The following SOX5 variants were observed in gnomAD, a reference collection of about 807,000 sequenced individuals.
The protein encoded by SOX5 is SRY-box transcription factor 5.
SOX5 carries 9 observed loss-of-function variants against 92.0 expected under a neutral mutation model. The ratio of observed to expected loss-of-function variants is 0.10; its 90% CI spans 0.06 to 0.17. The LOEUF is 0.17. SOX5 is among the 10% of genes least tolerant of loss of function. The probability of loss-of-function intolerance (pLI) is 1.00; values close to 1 mark genes in which losing one functional copy is unlikely to be tolerated. For missense variants in SOX5, 642 were observed against 944.5 expected, an observed-to-expected ratio of 0.68 and a Z score of 4.20; for synonymous variants, 344 against 336.3, an observed-to-expected ratio of 1.02 and a Z score of -0.25.
chr12:24,039,832 T>G (rs953463522), intron 4 of SOX5, among the ~76,000 whole-genome samples: 1 of 152,164 alleles, frequency 6.6e-6, no homozygotes, highest in Non-Finnish European at 1.5e-5. Context: ...AGTCATTCAT[T>G]TAATCAAGAA....
chr12:24,069,760 A>G (rs947818787), intron 4 of SOX5, among the ~76,000 whole-genome samples: 1 of 152,224 alleles, frequency 6.6e-6, no homozygotes, highest in Admixed American at 6.5e-5. Context: ...TCAAGATTTC[A>G]TAACACGAGA....
intron 3 of SOX5, among the ~76,000 whole-genome samples, chr12:23,819,201 T>C (rs1388878536): frequency 6.6e-6 from 1 of 152,230 alleles, no homozygotes; most frequent in African/African-American, 2.4e-5. Flanking sequence ...AACTTGTGAA[T>C]AACATGTTGT....
chr12:23,968,168 C>A (rs1172379416), intron 4 of SOX5, among the ~76,000 whole-genome samples: 2 of 152,316 alleles, frequency 1.3e-5, no homozygotes, highest in East Asian at 3.9e-4. Flanking sequence ...TAAATAACTT[C>A]AAAGGGATGT....
intron 4 of SOX5, among the ~76,000 whole-genome samples, chr12:24,117,943 TG>T (rs1055638167): frequency 1.4e-5 from 2 of 141,920 alleles, no homozygotes; most frequent in African/African-American, 5.3e-5. Context: ...TGCTTGAACC[TG>T]GGAGGCAGAG....
intron 1 of SOX5, among the ~76,000 whole-genome samples, chr12:23,920,991 TC>T (rs1379676145): frequency 6.6e-6 from 1 of 152,204 alleles, no homozygotes; most frequent in East Asian, 1.9e-4. Context: ...TTTCTTCATT[TC>T]TATATTCTTT....
At chr12:23,719,678 G>T (rs2140519438) in intron 6 of SOX5, among the ~76,000 whole-genome samples, 1 of 149,788 alleles carries the variant, frequency 6.7e-6, no homozygotes, top group African/African-American at 2.5e-5. Context: ...AATTGCTTGA[G>T]CCCTGAGCCC....
intron 7 of SOX5, among the ~76,000 whole-genome samples, chr12:23,650,072 G>A (rs1319911968): frequency 6.6e-6 from 1 of 152,004 alleles, no homozygotes; most frequent in Non-Finnish European, 1.5e-5. Context: ...TAGGTGCTGG[G>A]AAATATGAAA....
chr12:24,027,310 T>G (rs1176568950), intron 4 of SOX5, among the ~76,000 whole-genome samples: 2 of 152,006 alleles, frequency 1.3e-5, no homozygotes, highest in African/African-American at 4.8e-5. Context: ...TCTGCTCTCC[T>G]GACTCTAGAC....
intron 8 of SOX5, 97 bp downstream of exon 8, chr12:23,640,715 G>T: frequency 1.2e-6 from 1 of 807,910 alleles, no homozygotes; most frequent in South Asian, 1.5e-5. Context: ...AGTGTGAGAC[G>T]AATATCACGA....
chr12:24,304,037 G>A (rs950977962), intron 2 of SOX5, among the ~76,000 whole-genome samples: 5 of 151,998 alleles, frequency 3.3e-5, no homozygotes, highest in Non-Finnish European at 5.9e-5. Flanking sequence ...ATGAGTCTAC[G>A]GCATACACTA....
intron 3 of SOX5, among the ~76,000 whole-genome samples, chr12:23,809,332 T>C (rs2095835518): frequency 6.6e-6 from 1 of 152,100 alleles, no homozygotes; most frequent in African/African-American, 2.4e-5. Context: ...CTGAGTACCT[T>C]GTGCATATAA....
chr12:24,433,971 A>T (rs572526985), intron 1 of SOX5, among the ~76,000 whole-genome samples: 35 of 152,298 alleles, frequency 2.3e-4, no homozygotes, highest in Admixed American at 2.3e-3. Flanking sequence ...GGTCAGAGAT[A>T]AAAAGGCCAA....
Position 23,533,183 on chromosome 12 carries a change from C to A in SOX5, c.*1036G>T, listed in dbSNP as rs776214692. ...ACTTGGGAGGATGTGGGATTTCATC[C>A]CCAGATGTGGGTTTAACTCACAATG... is the stretch of plus-strand genomic sequence containing the variant. On this transcript the variant is annotated 3_prime_UTR_variant, in exon 15 of 15. Transcript: ENST00000451604. The A allele has an allele frequency of 1.1e-5, 5 of 455,916 alleles. No individual in the cohort carries two copies. Among genetic ancestry groups the A allele is most frequent in the South Asian group, 7.8e-5 (5 of 64,476 alleles). 28.2% of individuals were successfully genotyped at this position (455,916 alleles called of 1,614,324 possible).
In SOX5 at chr12:23,657,679, G is replaced by A. The variant is rs150525611; in HGVS notation, c.931+7765C>T. 5.9e-5 allele frequency among the ~76,000 whole-genome samples: 9 copies of A among 152,200 alleles called. No homozygotes were observed. The East Asian group carries it at 7.7e-4, about 13-fold the overall frequency. On this transcript the variant is annotated intron_variant, in intron 7 of 14. Coordinates refer to ENST00000451604, the MANE Select transcript of SOX5 (RefSeq NM_006940.6). ...ACTGAGATGAAATTCCATTCTTGCC[G>A]TGGCAACAAAAATAAAAACTTAGAA...
chr12:23,655,828 T>C (rs1408881911), intron 7 of SOX5, among the ~76,000 whole-genome samples: 1 of 152,064 alleles, frequency 6.6e-6, no homozygotes, highest in Non-Finnish European at 1.5e-5. Context: ...TGAATGAATA[T>C]GAAAAAATAC....
intron 1 of SOX5, among the ~76,000 whole-genome samples, chr12:24,425,341 C>A (rs79078685): frequency 1.3e-5 from 2 of 152,170 alleles, no homozygotes; most frequent in African/African-American, 4.8e-5. Context: ...AGGATTTCAT[C>A]GAATCACCAG....
chr12:23,670,262 C>T (rs2084545382), intron 6 of SOX5, among the ~76,000 whole-genome samples: 1 of 152,062 alleles, frequency 6.6e-6, no homozygotes, highest in African/African-American at 2.4e-5. Context: ...TCCATTAGAA[C>T]AGAGGGTAGA....
intron 7 of SOX5, 24 bp downstream of exon 7, chr12:23,665,420 A>C (rs1269051577): frequency 1.9e-6 from 3 of 1,612,716 alleles, no homozygotes; most frequent in Non-Finnish European, 2.5e-6. Context: ...ACCCACTCCC[A>C]GATGAAAAAT....
intron 4 of SOX5, among the ~76,000 whole-genome samples, chr12:24,145,562 T>C (rs1041849985): frequency 6.6e-6 from 1 of 152,172 alleles, no homozygotes; most frequent in East Asian, 1.9e-4. Flanking sequence ...AGTGGAGCAA[T>C]CTCGGCTCAC....
Sources: gnomAD v4.1 joint callset for allele counts (sites outside exome capture counted in the v4.1 genomes callset) on GRCh38, gnomAD v4.1.1 for gene constraint, MANE v1.5 for transcripts, NCBI Gene and HGNC (gene_info 2026-07-23, HGNC 2026-07-21) for gene names.